Variants in RBM26 observed in about 807,000 individuals in gnomAD.
The protein encoded by RBM26 is RNA binding motif protein 26.
Under a neutral mutation model 123.6 loss-of-function variants are expected in RBM26, and 30 were observed. The ratio of observed to expected loss-of-function variants is 0.24; its 90% CI spans 0.18 to 0.33. The LOEUF (loss-of-function observed/expected upper bound fraction) is 0.33, where lower values mean the gene tolerates loss of function less well. RBM26 is among the 10% of genes least tolerant of loss of function. The pLI, the probability that RBM26 is intolerant of heterozygous loss-of-function variation, is 1.00. For missense variants in RBM26, 947 were observed against 1,203.6 expected (o/e 0.79, Z 3.15); for synonymous variants, 400 against 404.4 (o/e 0.99, Z 0.13).
At chr13:79,379,012 A>G (rs2076865880) in intron 1 of RBM26, 105 bp from the exon 2 acceptor site, 2 of 703,780 alleles carry the variant, frequency 2.8e-6, no homozygotes, top group Non-Finnish European at 4.9e-6. Context: ...GAGTTAATAC[A>G]TGTAAAAAGC....
At chr13:79,313,689 A>C (rs1333455413) in exon 5 of RBM26, 1 of 151,814 alleles carries the variant, frequency 6.6e-6, no homozygotes, top group Non-Finnish European at 1.5e-5. Context: ...AAATATTAGA[A>C]GACTTTCCAA....
At chr13:79,391,473 G>C (rs2077980248) in intron 1 of RBM26, among the ~76,000 whole-genome samples, 1 of 152,152 alleles carries the variant, frequency 6.6e-6, no homozygotes, top group South Asian at 2.1e-4. Context: ...GCTCAGGCTG[G>C]AGTGCGGTGG....
chr13:79,340,652 A>T (rs371187942), intron 18 of RBM26, among the ~76,000 whole-genome samples: 17 of 152,008 alleles, frequency 1.1e-4, no homozygotes, highest in East Asian at 7.7e-4. Flanking sequence ...TACAAGAAAG[A>T]AGTTTATTTC....
At chr13:79,358,166 A>C in intron 11 of RBM26, 108 bp downstream of exon 11, 1 of 986,212 alleles carries the variant, frequency 1.0e-6, no homozygotes. Context: ...TACAGGCGTG[A>C]ACCACCATGC....
chr13:79,327,404 CTA>C (rs1215565846), intron 20 of RBM26, among the ~76,000 whole-genome samples: 2 of 151,810 alleles, frequency 1.3e-5, no homozygotes, highest in East Asian at 3.9e-4. Flanking sequence ...ACTGAAAATA[CTA>C]GAAGCATTTT....
At chr13:79,375,077 G>GATAT (rs748946755) in intron 3 of RBM26, among the ~76,000 whole-genome samples, 6 of 86,864 alleles carry the variant, frequency 6.9e-5, no homozygotes, top group East Asian at 6.8e-4. Context: ...ATATTTATAT[G>GATAT]ATATATATAA....
chr13:79,315,396 G>A (rs1220922781), downstream of RBM26, among the ~76,000 whole-genome samples: 1 of 151,826 alleles, frequency 6.6e-6, no homozygotes. Flanking sequence ...GTTTCCCAAA[G>A]ATTTCAAAGT....
intron 1 of RBM26, among the ~76,000 whole-genome samples, chr13:79,396,410 T>C (rs575420307): frequency 7.2e-5 from 11 of 152,226 alleles, no homozygotes; most frequent in African/African-American, 2.6e-4. Context: ...ACCAAAGGTA[T>C]AATTAAAAAG....
rs1386940592 is a variant in RBM26 at position 79,353,173 on chromosome 13, A to G, written c.2038T>C (p.Ser680Pro). ...KDRLGFVSKP[S>P]VSATEKVLST... ...CTTACCTTTTCAGTTGCTGAAACAG[A>G]TGGCTTTGATACAAAACCCAACCTG... Residue 680 changes from serine (S) to proline (P), a missense_variant, in exon 14 of 22, where the codon TCT becomes CCT. Coordinates refer to ENST00000438737, the MANE Select transcript of RBM26 (RefSeq NM_001366735.2). The G allele has an allele frequency of 6.3e-7, 1 of 1,592,732 alleles. No individual in the cohort carries two copies. Among genetic ancestry groups the G allele is most frequent in the Non-Finnish European group, 8.6e-7 (1 of 1,168,666 alleles).
chr13:79,399,480 A>G (rs998027851), intron 1 of RBM26, among the ~76,000 whole-genome samples: 1 of 152,248 alleles, frequency 6.6e-6, no homozygotes, highest in Non-Finnish European at 1.5e-5. Flanking sequence ...GTGAATCACG[A>G]AAGTTCAGCT....
chr13:79,370,176 C>T (rs994083340), intron 5 of RBM26, among the ~76,000 whole-genome samples: 1 of 152,020 alleles, frequency 6.6e-6, no homozygotes, highest in Admixed American at 6.6e-5. Context: ...ATTAGCCGAG[C>T]ATGGTGGCAC....
At chr13:79,375,623 G>T (rs1199941348) in intron 3 of RBM26, among the ~76,000 whole-genome samples, 1 of 151,980 alleles carries the variant, frequency 6.6e-6, no homozygotes, top group African/African-American at 2.4e-5. Flanking sequence ...CCCTTATACT[G>T]TTAGGTATGA....
intron 14 of RBM26, among the ~76,000 whole-genome samples, chr13:79,347,850 C>A (rs2072591323): frequency 6.6e-6 from 1 of 152,018 alleles, no homozygotes; most frequent in African/African-American, 2.4e-5. Flanking sequence ...TTGTCTTTCC[C>A]AACCTCAAGG....
At chr13:79,383,273 T>C (rs1977354) in intron 1 of RBM26, among the ~76,000 whole-genome samples, 11,693 of 152,214 alleles carry the variant, frequency 0.077, 717 homozygotes, top group East Asian at 0.19. Context: ...GTTCATAAGA[T>C]ACTGTGCAAA....
chr13:79,331,464 C>CAAAAAAAA (rs11452714), intron 20 of RBM26, among the ~76,000 whole-genome samples: 2 of 128,728 alleles, frequency 1.6e-5, no homozygotes, highest in African/African-American at 2.9e-5. Context: ...ACTAAAAATA[C>CAAAAAAAA]AAAAAAAAAA....
intron 7 of RBM26, 66 bp from the exon 8 acceptor site, chr13:79,366,261 C>A: frequency 1.3e-6 from 2 of 1,504,168 alleles, no homozygotes. Flanking sequence ...TATTGCACAT[C>A]CGAACATAAT....
chr13:79,392,080 CATA>C (rs1566581121), intron 1 of RBM26, among the ~76,000 whole-genome samples: 1 of 129,198 alleles, frequency 7.7e-6, no homozygotes, highest in African/African-American at 3.0e-5. Context: ...TACAATAATA[CATA>C]ATTATATAAT....
At chr13:79,316,760 T>A (rs577290473), downstream of RBM26, among the ~76,000 whole-genome samples, 5 of 151,898 alleles carry the variant, frequency 3.3e-5, no homozygotes, top group South Asian at 4.1e-4. Flanking sequence ...AAACGACAAC[T>A]CAACCATCCC....
intron 1 of RBM26, among the ~76,000 whole-genome samples, chr13:79,387,562 TA>T (rs5805031): frequency 0.51 from 74,222 of 146,052 alleles, 18,750 homozygotes; most frequent in Middle Eastern, 0.59. Context: ...TTTACTCATT[TA>T]AAAAAAAAAA....
Sources: gnomAD v4.1 joint callset for allele counts (sites outside exome capture counted in the v4.1 genomes callset) on GRCh38, gnomAD v4.1.1 for gene constraint, MANE v1.5 for transcripts, NCBI Gene and HGNC (gene_info 2026-07-23, HGNC 2026-07-21) for gene names.